BCAS3: variants seen among roughly 807,000 people sequenced by gnomAD.
BCAS3 encodes the protein BCAS4/BCAS3 fusion.
A neutral mutation model predicts 116.1 loss-of-function variants in BCAS3; 53 were observed. That is an observed-to-expected ratio of 0.46 (90% CI 0.37 to 0.57). The LOEUF is 0.57. Ranked by LOEUF, BCAS3 falls within the 20% of genes least tolerant of loss-of-function variation. BCAS3 has a pLI of 0.00. For missense variants in BCAS3, 917 were observed against 1,165.4 expected (o/e 0.79, Z 3.10); for synonymous variants, 391 against 408.2 (o/e 0.96, Z 0.51).
intron 10 of BCAS3, 122 bp downstream of exon 10, chr17:60,889,893 TG>T (rs2057018449): frequency 1.1e-6 from 1 of 896,910 alleles, no homozygotes; most frequent in East Asian, 2.5e-5. Context: ...CTAGTTCATT[TG>T]CTTTGGTTTG....
At chr17:61,238,223 T>C (rs1253622457) in intron 22 of BCAS3, among the ~76,000 whole-genome samples, 1 of 51,108 alleles carries the variant, frequency 2.0e-5, no homozygotes, top group East Asian at 8.3e-4. Flanking sequence ...TGGCAGTTTT[T>C]CGGGTTTTTT....
chr17:60,697,582 CAAAAAAAA>C (rs758307797), intron 4 of BCAS3, among the ~76,000 whole-genome samples: 3 of 59,018 alleles, frequency 5.1e-5, no homozygotes, highest in African/African-American at 1.4e-4. Flanking sequence ...GACTCTGTCT[CAAAAAAAA>C]AAAAAAAAAA....
Position 60,774,556 on chromosome 17 carries a change from A to G in BCAS3, c.403+27277A>G, listed in dbSNP as rs961186624. Among the ~76,000 whole-genome samples, 43 of 152,148 alleles carry G rather than the reference A, an allele frequency of 2.8e-4. 1 individual carries two copies. The highest frequency in any genetic ancestry group is 7.3e-5 in the Non-Finnish European group (5 of 68,028). On this transcript the variant is annotated intron_variant, in intron 6 of 23. Transcript: ENST00000407086. ...CTCAGGACTATTTTGTATTCCTTTAAATATTTTTGGTTTTGTCCTGGGACA... is the reference window on the plus strand; with the variant it reads ...CTCAGGACTATTTTGTATTCCTTTAGATATTTTTGGTTTTGTCCTGGGACA...
At chr17:60,797,419 T>C (rs1465929144) in intron 6 of BCAS3, among the ~76,000 whole-genome samples, 2 of 151,906 alleles carry the variant, frequency 1.3e-5, no homozygotes, top group African/African-American at 4.8e-5. Flanking sequence ...CTTGCCATGT[T>C]GTCCAGGCTG....
chr17:61,382,515 G>A (rs955708502), intron 23 of BCAS3, among the ~76,000 whole-genome samples: 2 of 151,720 alleles, frequency 1.3e-5, no homozygotes, highest in Non-Finnish European at 2.9e-5. Context: ...ACCCACCTTG[G>A]CCTCCCAAAG....
At chr17:60,783,148 G>T (rs1004068269) in intron 6 of BCAS3, among the ~76,000 whole-genome samples, 1 of 152,182 alleles carries the variant, frequency 6.6e-6, no homozygotes, top group Non-Finnish European at 1.5e-5. Flanking sequence ...TGGACTTTGG[G>T]TGATGATGTG....
intron 22 of BCAS3, among the ~76,000 whole-genome samples, chr17:61,322,651 G>A (rs2055315507): frequency 6.6e-6 from 1 of 152,044 alleles, no homozygotes; most frequent in Admixed American, 6.6e-5. Flanking sequence ...TTTTAATGAG[G>A]TTTTTCCAGC....
intron 22 of BCAS3, among the ~76,000 whole-genome samples, chr17:61,296,398 C>A (rs1243138319): frequency 6.6e-6 from 1 of 152,158 alleles, no homozygotes; most frequent in African/African-American, 2.4e-5. Flanking sequence ...GGTTCCAAGG[C>A]AGGCAGTAAT....
intron 20 of BCAS3, among the ~76,000 whole-genome samples, chr17:61,078,022 C>T (rs1022175739): frequency 5.3e-5 from 8 of 152,096 alleles, no homozygotes; most frequent in Non-Finnish European, 8.8e-5. Flanking sequence ...ATGAGGCAAG[C>T]AACTGGTCCT....
At chr17:61,194,387 GAA>G (rs2080346749) in intron 22 of BCAS3, among the ~76,000 whole-genome samples, 1 of 152,126 alleles carries the variant, frequency 6.6e-6, no homozygotes, top group Non-Finnish European at 1.5e-5. Flanking sequence ...AAAGCTGACT[GAA>G]ATTATGAGCT....
rs35031042 is a variant in BCAS3, at chr17:61,181,874, CT to C, written c.2425+97321del. 5.5e-5 allele frequency among the ~76,000 whole-genome samples: 8 copies of C among 146,718 alleles called. No individual in the cohort carries two copies. Among genetic ancestry groups the C allele is most frequent in the African/African-American group, 1.0e-4 (4 of 40,002 alleles). On this transcript the variant is annotated intron_variant, in intron 22 of 23. Coordinates refer to ENST00000407086, the MANE Select transcript of BCAS3 (RefSeq NM_017679.5). The surrounding 1 kb of genome is among the most constrained non-coding windows in gnomAD (Gnocchi z 5.0). ...ATACCAAAAGTCTTGCTTTTTCCTTCTTTTTTTTTTTAATCTTGAGACACGG... is the reference window on the plus strand; with the variant it reads ...ATACCAAAAGTCTTGCTTTTTCCTTCTTTTTTTTTTAATCTTGAGACACGG...
intron 3 of BCAS3, among the ~76,000 whole-genome samples, chr17:60,686,399 T>G (rs542859013): frequency 7.9e-4 from 120 of 151,676 alleles, no homozygotes; most frequent in Non-Finnish European, 1.5e-3. Flanking sequence ...AGAGAACATG[T>G]GTTGTTGGAC....
At position 61,051,430 on chromosome 17, in the gene BCAS3, A is replaced by G. The variant is rs2068848940; in HGVS notation, c.2029+10538A>G. On this transcript the variant is annotated intron_variant, in intron 19 of 23. Coordinates refer to ENST00000407086, the MANE Select transcript of BCAS3 (RefSeq NM_017679.5). This position sits in a 1 kb window ranked among gnomAD's most constrained non-coding sequence, Gnocchi z 4.1. ...GATAAAATTGAATAGACCCTCACAC[A>G]CATAAATTGAGTGTAAAACTGTATA... is the stretch of plus-strand genomic sequence containing the variant. Among the ~76,000 whole-genome samples, 1 of 152,210 alleles carries G rather than the reference A, an allele frequency of 6.6e-6. No homozygotes were observed. The highest frequency in any genetic ancestry group is 1.5e-5 in the Non-Finnish European group (1 of 68,024).
At chr17:60,741,446 A>G (rs1212197942) in intron 5 of BCAS3, among the ~76,000 whole-genome samples, 1 of 152,210 alleles carries the variant, frequency 6.6e-6, no homozygotes, top group African/African-American at 2.4e-5. Flanking sequence ...GTACAAAAAA[A>G]CTCTACTTAT....
At chr17:61,274,707 T>A (rs956734309) in intron 22 of BCAS3, among the ~76,000 whole-genome samples, 2 of 152,086 alleles carry the variant, frequency 1.3e-5, no homozygotes, top group Non-Finnish European at 2.9e-5. Flanking sequence ...GGATGTCCAC[T>A]CTCACCACTG....
rs1395036137 is a variant in BCAS3, at chr17:61,380,221, A to T, written c.2593+11727A>T. 3 of 421,808 alleles carry T rather than the reference A, an allele frequency of 7.1e-6. No individual in the cohort carries two copies. The South Asian group carries it at 9.4e-5, about 13-fold the overall frequency. 26.1% of individuals were successfully genotyped at this position (421,808 alleles called of 1,614,324 possible). On this transcript the variant is annotated intron_variant, in intron 23 of 23. Coordinates refer to ENST00000407086, the MANE Select transcript of BCAS3 (RefSeq NM_017679.5). The surrounding 1 kb of genome is among the most constrained non-coding windows in gnomAD (Gnocchi z 4.2). ...TACCCAGGATGCCGGCTTTCTCTCT[A>T]CATCATTCCCTACCCCAGCCCTGTG...
At chr17:61,086,754 G>A in intron 22 of BCAS3, 2 of 985,344 alleles carry the variant, frequency 2.0e-6, no homozygotes, top group Non-Finnish European at 2.4e-6. Context: ...CCAAAACAGT[G>A]AAACATGTGT....
Position 61,388,897 on chromosome 17 carries a change from C to A in BCAS3, c.2594-3080C>A. 1.7e-6 allele frequency: 1 copy of A among 580,202 alleles called. No homozygotes were observed. Among genetic ancestry groups the A allele is most frequent in the Non-Finnish European group, 3.0e-6 (1 of 330,722 alleles). 35.9% of individuals were successfully genotyped at this position (580,202 alleles called of 1,614,324 possible). A position where few individuals can be genotyped will look rare whatever the true frequency, so the allele number is the denominator to read the frequency against. On this transcript the variant is annotated intron_variant, in intron 23 of 23. Coordinates refer to ENST00000407086, the MANE Select transcript of BCAS3 (RefSeq NM_017679.5). The surrounding 1 kb of genome is among the most constrained non-coding windows in gnomAD (Gnocchi z 6.5). ...GCCCACAAAGCTGCCCCGGGGCCAG[C>A]AGGCCCCCGATTCTTTCAGTTAGTC...
intron 23 of BCAS3, among the ~76,000 whole-genome samples, chr17:61,371,403 C>A (rs373517654): frequency 6.6e-6 from 1 of 152,318 alleles, no homozygotes; most frequent in East Asian, 1.9e-4. Flanking sequence ...AAAGTGAAAC[C>A]TTTTCAAACC....
Sources: allele counts gnomAD v4.1 joint callset (sites outside exome capture counted in the v4.1 genomes callset), GRCh38; gene constraint gnomAD v4.1.1; non-coding constraint Gnocchi (gnomAD v3.1); transcripts MANE v1.5; gene names NCBI Gene and HGNC (gene_info 2026-07-23, HGNC 2026-07-21).